Variants in TMEM132D observed in about 807,000 individuals in gnomAD.
TMEM132D encodes the protein transmembrane protein 132D, also known as mature OL transmembrane protein.
Under a neutral mutation model 62.3 loss-of-function variants are expected in TMEM132D, and 21 were observed. The observed-to-expected ratio is 0.34, with a 90% CI of 0.24 to 0.49. TMEM132D has a LOEUF of 0.49. TMEM132D is among the 20% of genes least tolerant of loss of function. The probability of loss-of-function intolerance (pLI) is 0.99; values close to 1 mark genes in which losing one functional copy is unlikely to be tolerated. For missense variants in TMEM132D, 1,346 were observed against 1,402.8 expected (o/e 0.96, Z 0.65); for synonymous variants, 621 against 575.6 (o/e 1.08, Z -1.13).
Position 129,382,562 on chromosome 12 carries a change from TCCTAAATCTCA to T in TMEM132D, c.1116-44756_1116-44746del, listed in dbSNP as rs1335291020. Reference sequence around the variant, plus strand: ...CCATTTGATAACAGACACCATACAGTCCTAAATCTCAAGTGTAAAAGAAAATATTGATTCAA... The same window carrying T: ...CCATTTGATAACAGACACCATACAGTAGTGTAAAAGAAAATATTGATTCAA... On this transcript the variant is annotated intron_variant, in intron 3 of 8. Transcript: ENST00000422113. Among the ~76,000 whole-genome samples, 3 of 152,200 alleles carry T rather than the reference TCCTAAATCTCA, an allele frequency of 2.0e-5. No homozygotes were observed. In the East Asian group the frequency reaches 5.8e-4, roughly 29 times the overall value.
At chr12:129,185,887 T>C (rs1878210182) in intron 5 of TMEM132D, among the ~76,000 whole-genome samples, 1 of 152,208 alleles carries the variant, frequency 6.6e-6, no homozygotes, top group African/African-American at 2.4e-5. Flanking sequence ...ATAGAACTTC[T>C]GATACAATCC....
intron 3 of TMEM132D, among the ~76,000 whole-genome samples, chr12:129,528,767 T>C (rs1481930258): frequency 6.6e-6 from 1 of 152,226 alleles, no homozygotes; most frequent in African/African-American, 2.4e-5. Context: ...CAAACATTTA[T>C]AGACAGCCCA....
Position 129,668,509 on chromosome 12 carries a change from A to AG in TMEM132D, c.968+31300dup, listed in dbSNP as rs929327616. 2.0e-4 allele frequency among the ~76,000 whole-genome samples: 30 copies of AG among 152,036 alleles called. No individual in the cohort carries two copies. In the Middle Eastern group the frequency reaches 0.014, roughly 69 times the overall value. On this transcript the variant is annotated intron_variant, in intron 2 of 8. Coordinates refer to ENST00000422113, the MANE Select transcript of TMEM132D (RefSeq NM_133448.3). ...TTTAAAAATTGTGCCATTGGAATAG[A>AG]GGAAAAAAACAAACTTCTAGGACTC...
At chr12:129,533,963 G>A (rs549100608) in intron 2 of TMEM132D, among the ~76,000 whole-genome samples, 20 of 152,280 alleles carry the variant, frequency 1.3e-4, no homozygotes, top group South Asian at 8.3e-4. Context: ...ATGTAGACAC[G>A]GTATTTACTG....
chr12:129,154,519 C>A (rs981610191), intron 5 of TMEM132D, among the ~76,000 whole-genome samples: 1 of 152,152 alleles, frequency 6.6e-6, no homozygotes, highest in African/African-American at 2.4e-5. Flanking sequence ...ATCCTGAGGT[C>A]ATTTAATGAG....
chr12:129,713,241 A>G (rs1244060639), intron 1 of TMEM132D, among the ~76,000 whole-genome samples: 2 of 152,118 alleles, frequency 1.3e-5, no homozygotes, highest in African/African-American at 4.8e-5. Flanking sequence ...CAAGAGTCTG[A>G]TATGTGCTCA....
chr12:129,089,758 C>G (rs1874845219), intron 5 of TMEM132D, among the ~76,000 whole-genome samples: 1 of 152,252 alleles, frequency 6.6e-6, no homozygotes, highest in South Asian at 2.1e-4. Flanking sequence ...CCAGCAGGCA[C>G]TGTTATTGTC....
chr12:129,439,561 T>C (rs1450158965), intron 3 of TMEM132D, among the ~76,000 whole-genome samples: 1 of 151,992 alleles, frequency 6.6e-6, no homozygotes, highest in East Asian at 1.9e-4. Context: ...GTGATTCTCC[T>C]GCCTCAGCCT....
intron 4 of TMEM132D, among the ~76,000 whole-genome samples, chr12:129,215,354 A>G (rs779111207): frequency 1.3e-5 from 2 of 152,156 alleles, no homozygotes; most frequent in African/African-American, 4.8e-5. Context: ...AGGAGGGAGA[A>G]GATCAGGAAA....
intron 4 of TMEM132D, among the ~76,000 whole-genome samples, chr12:129,235,082 G>T (rs1253675697): frequency 6.6e-6 from 1 of 152,152 alleles, no homozygotes; most frequent in Non-Finnish European, 1.5e-5. Context: ...TTCTATCTTT[G>T]AGGGCGGACT....
At chr12:129,134,972 C>A (rs1176155343) in intron 5 of TMEM132D, among the ~76,000 whole-genome samples, 2 of 152,194 alleles carry the variant, frequency 1.3e-5, no homozygotes, top group African/African-American at 4.8e-5. Flanking sequence ...AATTAGAGTC[C>A]TCACGTGATA....
At chr12:129,784,352 C>G (rs1871200271) in intron 1 of TMEM132D, among the ~76,000 whole-genome samples, 3 of 152,214 alleles carry the variant, frequency 2.0e-5, no homozygotes, top group Admixed American at 2.0e-4. Flanking sequence ...CACGTTCAGT[C>G]TGGGCCACAA....
chr12:129,576,608 A>ACG (rs1271899015), intron 2 of TMEM132D, among the ~76,000 whole-genome samples: 1 of 151,386 alleles, frequency 6.6e-6, no homozygotes, highest in East Asian at 1.9e-4. Flanking sequence ...TATTATACAC[A>ACG]CACACACACA....
At chr12:129,504,054 CATT>C (rs371722601) in intron 3 of TMEM132D, among the ~76,000 whole-genome samples, 2,312 of 152,004 alleles carry the variant, frequency 0.015, 64 homozygotes, top group African/African-American at 0.052. Context: ...TCATCATCAT[CATT>C]GTCATCATCA....
chr12:129,076,183 A>C (rs184395086), intron 8 of TMEM132D, among the ~76,000 whole-genome samples: 5 of 152,348 alleles, frequency 3.3e-5, no homozygotes, highest in Admixed American at 1.3e-4. Context: ...AAATTGGGGA[A>C]TGAAGCCCTC....
chr12:129,470,440 C>G (rs1874059821), intron 3 of TMEM132D, among the ~76,000 whole-genome samples: 1 of 152,070 alleles, frequency 6.6e-6, no homozygotes, highest in Non-Finnish European at 1.5e-5. Context: ...TTTGTGAAGC[C>G]CTCCCTACTT....
At chr12:129,820,529 T>C (rs1370381304) in intron 1 of TMEM132D, among the ~76,000 whole-genome samples, 1 of 152,124 alleles carries the variant, frequency 6.6e-6, no homozygotes, top group Non-Finnish European at 1.5e-5. Context: ...TTGAGTGGAG[T>C]GTTCCTAATC....
chr12:129,455,018 G>A (rs551383498), intron 3 of TMEM132D, among the ~76,000 whole-genome samples: 52 of 152,280 alleles, frequency 3.4e-4, no homozygotes, highest in Admixed American at 7.8e-4. Flanking sequence ...CGTCTCTCAG[G>A]ACCACATGTG....
rs374328863 is a variant in TMEM132D at position 129,529,832 on chromosome 12, A to G, written c.1115+1227T>C. On this transcript the variant is annotated intron_variant, in intron 3 of 8. Transcript: ENST00000422113. ...GCTAACTACAAAACACAAAAGAAAT[A>G]TTTTATTGAGATAGCACCTGATTTC... is the stretch of plus-strand genomic sequence containing the variant. Among the ~76,000 whole-genome samples the G allele has an allele frequency of 7.9e-5, 12 of 152,294 alleles. 1 individual carries two copies. Among genetic ancestry groups the G allele is most frequent in the Admixed American group, 6.5e-4 (10 of 15,294 alleles).
Sources: allele counts gnomAD v4.1 joint callset (sites outside exome capture counted in the v4.1 genomes callset), GRCh38; gene constraint gnomAD v4.1.1; transcripts MANE v1.5; gene names NCBI Gene and HGNC (gene_info 2026-07-23, HGNC 2026-07-21).